MSH5: variants seen among roughly 807,000 people sequenced by gnomAD.
MSH5 encodes mutS protein homolog 5.
In MSH5, 78 loss-of-function variants were observed where a neutral mutation model predicts 107.7. That is an observed-to-expected ratio of 0.72 (90% CI 0.60 to 0.87). The LOEUF (loss-of-function observed/expected upper bound fraction) is 0.87. Among genes scored for constraint, MSH5 ranks in the 40% least tolerant of loss-of-function variants. The probability of loss-of-function intolerance (pLI) is 0.00; values close to 1 mark genes in which losing one functional copy is unlikely to be tolerated. For synonymous variants in MSH5, 326 were observed against 399.5 expected, an observed-to-expected ratio of 0.82 and a Z score of 2.19; for missense variants, 889 against 1,046.6, an observed-to-expected ratio of 0.85 and a Z score of 2.08.
chr6:31,762,179 T>C lies in MSH5; in HGVS notation c.2387T>C (p.Met796Thr). 6.2e-7 allele frequency: 1 copy of C among 1,614,118 alleles called. No homozygotes were observed. The highest frequency in any genetic ancestry group is 8.5e-7 in the Non-Finnish European group (1 of 1,180,000). The change falls in exon 24 of 25, where the codon ATG becomes ACG. Residue 796 changes from methionine to threonine, a missense_variant. Transcript: ENST00000375750. The stretch of plus-strand genomic sequence containing the variant: ...AAGGATTTGCTAAAGAAGAACCAAA[T>C]GGAAAAGTGCGTATATGGCCCCAGT... The part of the protein sequence containing the change: ...PVKDLLKKNQ[M>T]ENCQTLVDKF...
chr6:31,746,804 T>G (rs1391791751), intron 9 of MSH5, among the ~76,000 whole-genome samples: 4 of 150,992 alleles, frequency 2.6e-5, no homozygotes, highest in Non-Finnish European at 4.4e-5. Flanking sequence ...GAGTTTTTTG[T>G]GTTTTGTTTG....
chr6:31,750,494 G>C (rs1188427046), intron 10 of MSH5, among the ~76,000 whole-genome samples: 1 of 152,152 alleles, frequency 6.6e-6, no homozygotes. Context: ...TATGACTTTG[G>C]GCAAGTTGCT....
At chr6:31,748,945 T>G (rs1216288307) in intron 10 of MSH5, among the ~76,000 whole-genome samples, 1 of 145,176 alleles carries the variant, frequency 6.9e-6, no homozygotes, top group African/African-American at 2.6e-5. Flanking sequence ...AGACGGAGTC[T>G]CCCTCTGTCA....
intron 10 of MSH5, among the ~76,000 whole-genome samples, chr6:31,753,015 T>TA (rs894904330): frequency 1.3e-5 from 2 of 152,240 alleles, no homozygotes; most frequent in African/African-American, 4.8e-5. Flanking sequence ...GCTCTCCTTC[T>TA]AAAATATTGA....
At chr6:31,743,251 A>G in intron 5 of MSH5, 81 bp downstream of exon 5, 1 of 1,427,782 alleles carries the variant, frequency 7.0e-7, no homozygotes, top group Non-Finnish European at 9.9e-7. Context: ...ATCATCACAG[A>G]TCTCCCCTCT....
chr6:31,744,006 C>T lies in MSH5; in HGVS notation c.518C>T (p.Pro173Leu). 6.2e-7 allele frequency: 1 copy of T among 1,614,102 alleles called. No individual in the cohort carries two copies. Among genetic ancestry groups the T allele is most frequent in the Non-Finnish European group, 8.5e-7 (1 of 1,180,032 alleles). Residue 173 changes from proline to leucine, a missense_variant, in exon 6 of 25, where the codon CCC becomes CTC. Around this residue, in one of 3 missense-constraint regions of MSH5, gnomAD observed 518 missense variants for 565.0 expected, o/e 0.92. Coordinates refer to ENST00000375750, the MANE Select transcript of MSH5 (RefSeq NM_172166.4). Reference sequence around the variant, plus strand: ...ATCCTCTTCCTCTCTTCCATTATTCCCTTTGACTGCCTCCTCACAGTGAGA... The same window carrying T: ...ATCCTCTTCCTCTCTTCCATTATTCTCTTTGACTGCCTCCTCACAGTGAGA... ...EKILFLSSII[P>L]FDCLLTVRAL...
rs754770597 is a variant in MSH5 at position 31,760,818 on chromosome 6, CT to C, written c.1943del (p.Phe648SerfsTer2). On this transcript the variant is annotated frameshift_variant, in exon 20 of 25. Coordinates refer to ENST00000375750, the MANE Select transcript of MSH5 (RefSeq NM_172166.4). LOFTEE classifies it high-confidence loss of function. The surrounding 1 kb of genome is among the most constrained non-coding windows in gnomAD (Gnocchi z 5.6). ...CESISLGLST[F>X]MIDLNQVAKA... ...AATCCATCTCCCTTGGCCTCTCCAC[CT>C]TCATGATCGACCTCAACCAGGTCAA... is the stretch of plus-strand genomic sequence containing the variant. 18 of 1,612,784 alleles carry C rather than the reference CT, an allele frequency of 1.1e-5. No homozygotes were observed. The highest frequency in any genetic ancestry group is 1.5e-5 in the Non-Finnish European group (18 of 1,180,006).
rs1810667871 is a variant in MSH5, at chr6:31,758,621, G to A, written c.1216+1G>A. The A allele has an allele frequency of 6.2e-7, 1 of 1,613,918 alleles. No homozygotes were observed. Among genetic ancestry groups the A allele is most frequent in the Non-Finnish European group, 8.5e-7 (1 of 1,180,006 alleles). On this transcript the variant is annotated splice_donor_variant, in intron 14 of 24. Transcript: ENST00000375750. LOFTEE classifies it high-confidence loss of function. This position sits in a 1 kb window ranked among gnomAD's most constrained non-coding sequence, Gnocchi z 5.1. The stretch of plus-strand genomic sequence containing the variant: ...AACATAGATCCTGAAATTGATGAGA[G>A]TGAGTGTTGGGTGTGGATGGGCCTG...
At chr6:31,741,333 T>C (rs1227460131) in intron 3 of MSH5, 47 bp downstream of exon 3, 1 of 1,475,544 alleles carries the variant, frequency 6.8e-7, no homozygotes, top group Non-Finnish European at 9.3e-7. Flanking sequence ...ATTGCAGATG[T>C]GTTACACACA....
chr6:31,745,103 C>T (rs956686780), intron 8 of MSH5, 134 bp from the exon 9 acceptor site: 1 of 354,092 alleles, frequency 2.8e-6, no homozygotes, highest in Non-Finnish European at 5.0e-6. Context: ...GACTCCATCT[C>T]AAAAAAAAAA....
rs1163206303 is a variant in MSH5 at position 31,759,061 on chromosome 6, C to A, written c.1327-36C>A. The A allele has an allele frequency of 6.4e-7, 1 of 1,567,944 alleles. No individual in the cohort carries two copies. The highest frequency in any genetic ancestry group is 8.8e-7 in the Non-Finnish European group (1 of 1,139,006). On this transcript the variant is annotated intron_variant, in intron 15 of 24. Transcript: ENST00000375750. This position sits in a 1 kb window ranked among gnomAD's most constrained non-coding sequence, Gnocchi z 4.7. ...GGGAGGTGTCCAGTAAGTCTCCAAG[C>A]AGGAGAGTAGAGTATCTCCTCTTTA...
In MSH5 at chr6:31,759,250, C is replaced by T. The variant is rs1810745311; in HGVS notation, c.1407+73C>T. On this transcript the variant is annotated intron_variant, in intron 16 of 24. Coordinates refer to ENST00000375750, the MANE Select transcript of MSH5 (RefSeq NM_172166.4). This position sits in a 1 kb window ranked among gnomAD's most constrained non-coding sequence, Gnocchi z 4.7. ...GCAGCTGAGGAAGAGCGTTACTCTA[C>T]AGCAGCACTGCCCAATATGGGATCT... 6.3e-6 allele frequency: 9 copies of T among 1,425,362 alleles called. No homozygotes were observed. The highest frequency in any genetic ancestry group is 1.1e-5 in the South Asian group (1 of 87,230). The allele number at this position is 1,425,362 out of a possible 1,614,324, so 88.3% of individuals were successfully genotyped here. A position where few individuals can be genotyped will look rare whatever the true frequency, so the allele number is the denominator to read the frequency against.
chr6:31,740,521 GCGGCCTCCTC>G lies in MSH5; in HGVS notation c.60_69del (p.Ser22ProfsTer86). On this transcript the variant is annotated frameshift_variant, in exon 2 of 25. Coordinates refer to ENST00000375750, the MANE Select transcript of MSH5 (RefSeq NM_172166.4). LOFTEE classifies it high-confidence loss of function. This position sits in a 1 kb window ranked among gnomAD's most constrained non-coding sequence, Gnocchi z 4.4. ...GACACCGCAGGGACCGAGACCTGGG[GCGGCCTCCTC>G]CGGCTTCCCCAGCCCGGCCCCAGTG... 6.4e-7 allele frequency: 1 copy of G among 1,554,124 alleles called. No homozygotes were observed. Among genetic ancestry groups the G allele is most frequent in the Non-Finnish European group, 8.7e-7 (1 of 1,149,246 alleles).
In MSH5 at chr6:31,760,847, G is replaced by T; in HGVS notation, c.1962+8G>T. ...ATGATCGACCTCAACCAGGTCAAAG[G>T]GAACAAAGGGAGGTGGGATTGAGGA... On this transcript the variant is annotated splice_region_variant and intron_variant, in intron 20 of 24. Coordinates refer to ENST00000375750, the MANE Select transcript of MSH5 (RefSeq NM_172166.4). This position sits in a 1 kb window ranked among gnomAD's most constrained non-coding sequence, Gnocchi z 5.6. 6.2e-7 allele frequency: 1 copy of T among 1,610,600 alleles called. No individual in the cohort carries two copies. The highest frequency in any genetic ancestry group is 8.5e-7 in the Non-Finnish European group (1 of 1,178,424).
chr6:31,757,950 A>G, intron 12 of MSH5: 1 of 612,366 alleles, frequency 1.6e-6, no homozygotes, highest in Non-Finnish European at 2.8e-6. Flanking sequence ...GATTACAGGC[A>G]TGAGCCACTG....
At chr6:31,752,078 G>C (rs540279055) in intron 10 of MSH5, among the ~76,000 whole-genome samples, 1 of 151,874 alleles carries the variant, frequency 6.6e-6, no homozygotes, top group Non-Finnish European at 1.5e-5. Context: ...TAGCCTGGGC[G>C]ACAGAGCAAG....
chr6:31,754,478 CT>C (rs1213296083), intron 12 of MSH5, among the ~76,000 whole-genome samples: 1 of 152,044 alleles, frequency 6.6e-6, no homozygotes, highest in Non-Finnish European at 1.5e-5. Flanking sequence ...TCTTTTTCTA[CT>C]TTCCCCTCTT....
At chr6:31,744,077 C>T (rs1183466152) in intron 6 of MSH5, 52 bp downstream of exon 6, 3 of 1,610,616 alleles carry the variant, frequency 1.9e-6, no homozygotes. Context: ...AGTGCTAGGG[C>T]TGAATTCTGG....
rs1217679373 is a variant in MSH5, at chr6:31,760,427, A to G, written c.1812+211A>G. Among the ~76,000 whole-genome samples the G allele has an allele frequency of 1.3e-5, 2 of 152,134 alleles. No individual in the cohort carries two copies. Among genetic ancestry groups the G allele is most frequent in the Non-Finnish European group, 2.9e-5 (2 of 68,020 alleles). ...CTCTAATGGAACTTTCCGTGGCCCAAATTCCTTCACCTGCCTCTGAGTAGG... is the reference window on the plus strand; with the variant it reads ...CTCTAATGGAACTTTCCGTGGCCCAGATTCCTTCACCTGCCTCTGAGTAGG... On this transcript the variant is annotated intron_variant, in intron 19 of 24. Coordinates refer to ENST00000375750, the MANE Select transcript of MSH5 (RefSeq NM_172166.4). This position sits in a 1 kb window ranked among gnomAD's most constrained non-coding sequence, Gnocchi z 5.6.
Sources: gnomAD v4.1 joint callset for allele counts (sites outside exome capture counted in the v4.1 genomes callset) on GRCh38, gnomAD v4.1.1 for gene constraint, gnomAD v4.1.1 regional missense constraint, Gnocchi (gnomAD v3.1) non-coding constraint, MANE v1.5 for transcripts, NCBI Gene and HGNC (gene_info 2026-07-23, HGNC 2026-07-21) for gene names.